The following TBL1XR1 variants were observed in gnomAD, a reference collection of about 807,000 sequenced individuals.
TBL1XR1 encodes the protein F-box-like/WD repeat-containing protein TBL1XR1.
A neutral mutation model predicts 66.9 loss-of-function variants in TBL1XR1; 5 were observed. The ratio of observed to expected loss-of-function variants is 0.07; its 90% CI spans 0.04 to 0.16. TBL1XR1 has a LOEUF of 0.16. TBL1XR1 is among the 10% of genes least tolerant of loss of function. The pLI, the probability that TBL1XR1 is intolerant of heterozygous loss-of-function variation, is 1.00. For synonymous variants in TBL1XR1, 210 were observed against 206.0 expected (o/e 1.02, Z -0.17); for missense variants, 238 against 623.2 (o/e 0.38, Z 6.58).
At chr3:177,131,782 G>T (rs562621922) in intron 1 of TBL1XR1, among the ~76,000 whole-genome samples, 13 of 151,918 alleles carry the variant, frequency 8.6e-5, no homozygotes, top group Non-Finnish European at 1.8e-4. Flanking sequence ...GATCACAGGC[G>T]TGAGCCACCA....
intron 1 of TBL1XR1, among the ~76,000 whole-genome samples, chr3:177,153,372 C>A (rs1306787355): frequency 6.6e-6 from 1 of 152,014 alleles, no homozygotes; most frequent in Non-Finnish European, 1.5e-5. Context: ...TGTGGAGTGC[C>A]CAAACTAGTA....
chr3:177,110,563 AT>A lies in TBL1XR1; in HGVS notation c.-121-12023del, dbSNP rs546082534. 1.4e-3 allele frequency among the ~76,000 whole-genome samples: 214 copies of A among 152,310 alleles called. 1 individual carries two copies. The highest frequency in any genetic ancestry group is 5.0e-3 in the African/African-American group (208 of 41,564). ...AAGACAAAGAGGAGGCAAAGGATAA[AT>A]GTCTGTGAAAATGCATAAAGCTAGA... On this transcript the variant is annotated intron_variant, in intron 1 of 15. Coordinates refer to ENST00000457928, the MANE Select transcript of TBL1XR1 (RefSeq NM_024665.7).
chr3:177,140,093 G>C (rs148080721), intron 1 of TBL1XR1, among the ~76,000 whole-genome samples: 20 of 152,222 alleles, frequency 1.3e-4, no homozygotes, highest in African/African-American at 4.6e-4. Context: ...ACCAGGTCAG[G>C]AGTTCGAGAC....
chr3:177,182,442 T>C (rs1734939633), intron 1 of TBL1XR1, among the ~76,000 whole-genome samples: 1 of 152,168 alleles, frequency 6.6e-6, no homozygotes, highest in Admixed American at 6.5e-5. Context: ...ACAATTAATT[T>C]GTGAAACTGG....
intron 1 of TBL1XR1, among the ~76,000 whole-genome samples, chr3:177,196,837 G>A (rs899681358): frequency 2.0e-5 from 3 of 151,802 alleles, no homozygotes; most frequent in Non-Finnish European, 4.4e-5. Context: ...ACATAATTAG[G>A]GTGAGGATCC....
intron 1 of TBL1XR1, among the ~76,000 whole-genome samples, chr3:177,155,735 G>T (rs773968075): frequency 6.6e-6 from 1 of 152,162 alleles, no homozygotes; most frequent in Non-Finnish European, 1.5e-5. Flanking sequence ...ATCAGTTTTG[G>T]TCGGCTGCAG....
chr3:177,140,757 T>TA (rs1729538394), intron 1 of TBL1XR1, among the ~76,000 whole-genome samples: 1 of 152,232 alleles, frequency 6.6e-6, no homozygotes, highest in African/African-American at 2.4e-5. Context: ...AAGTAAATAA[T>TA]AGTCATAACA....
chr3:177,095,987 A>G (rs1410221016), intron 2 of TBL1XR1, among the ~76,000 whole-genome samples: 3 of 152,206 alleles, frequency 2.0e-5, no homozygotes, highest in Non-Finnish European at 4.4e-5. Context: ...CATGTACCCT[A>G]AAATAAGTAC....
At chr3:177,042,586 CCTT>C (rs1370184844) in intron 10 of TBL1XR1, among the ~76,000 whole-genome samples, 17 of 152,102 alleles carry the variant, frequency 1.1e-4, no homozygotes, top group Admixed American at 9.8e-4. Context: ...ACACATACCT[CCTT>C]ATTTTATATT....
intron 9 of TBL1XR1, 32 bp from the exon 10 acceptor site, chr3:177,046,221 A>G: frequency 6.7e-7 from 1 of 1,491,310 alleles, no homozygotes; most frequent in Non-Finnish European, 9.0e-7. Flanking sequence ...AAATAAACTC[A>G]TGGAAAGAAG....
At chr3:177,157,781 C>T (rs919869157) in intron 1 of TBL1XR1, among the ~76,000 whole-genome samples, 4 of 152,062 alleles carry the variant, frequency 2.6e-5, no homozygotes, top group Admixed American at 6.6e-5. Context: ...CTGGGATGGG[C>T]GTGCCAAAGG....
chr3:177,040,522 A>G (rs1355713806), intron 10 of TBL1XR1, among the ~76,000 whole-genome samples: 4 of 152,212 alleles, frequency 2.6e-5, no homozygotes, highest in Non-Finnish European at 5.9e-5. Context: ...CAGCCAAGAG[A>G]TATGTCATGC....
chr3:177,073,647 T>G (rs1720325364), intron 2 of TBL1XR1, among the ~76,000 whole-genome samples: 1 of 152,196 alleles, frequency 6.6e-6, no homozygotes, highest in African/African-American at 2.4e-5. Flanking sequence ...CTGCCACTGT[T>G]CTAGGCCCTT....
intron 3 of TBL1XR1, 129 bp from the exon 4 acceptor site, chr3:177,054,047 TGTGTG>T (rs1717466388): frequency 3.5e-5 from 1 of 28,854 alleles, no homozygotes; most frequent in African/African-American, 3.2e-4. Flanking sequence ...ACGAAGGTCG[TGTGTG>T]TGTGTGTGTG....
At chr3:177,031,020 G>A (rs1713909068) in intron 14 of TBL1XR1, among the ~76,000 whole-genome samples, 1 of 152,162 alleles carries the variant, frequency 6.6e-6, no homozygotes, top group African/African-American at 2.4e-5. Flanking sequence ...GCTGAGGCAG[G>A]AGAATCGCTT....
intron 1 of TBL1XR1, among the ~76,000 whole-genome samples, chr3:177,103,167 C>A (rs759452915): frequency 3.6e-4 from 55 of 152,128 alleles, no homozygotes; most frequent in Non-Finnish European, 6.3e-4. Flanking sequence ...TTTGAAAATG[C>A]TTGAGAGAAC....
chr3:177,083,445 T>C (rs1721699629), intron 2 of TBL1XR1, among the ~76,000 whole-genome samples: 1 of 152,240 alleles, frequency 6.6e-6, no homozygotes, highest in Admixed American at 6.5e-5. Context: ...CACAGCTTAA[T>C]GCACAGGCAG....
chr3:177,137,004 G>C (rs144076902), intron 1 of TBL1XR1, among the ~76,000 whole-genome samples: 3 of 152,262 alleles, frequency 2.0e-5, no homozygotes, highest in African/African-American at 4.8e-5. Context: ...CTTATATACA[G>C]AAAAAGCACT....
chr3:177,053,017 G>T (rs1423512444), intron 4 of TBL1XR1, among the ~76,000 whole-genome samples: 2 of 152,138 alleles, frequency 1.3e-5, no homozygotes, highest in African/African-American at 4.8e-5. Flanking sequence ...CAGGACAATC[G>T]CTTGAACCCA....
Sources: allele counts gnomAD v4.1 joint callset (sites outside exome capture counted in the v4.1 genomes callset), GRCh38; gene constraint gnomAD v4.1.1; transcripts MANE v1.5; gene names NCBI Gene and HGNC (gene_info 2026-07-23, HGNC 2026-07-21).